The following CHCHD6 variants were observed in gnomAD, a reference collection of about 807,000 sequenced individuals.
CHCHD6 encodes the protein MICOS complex subunit MIC25.
Under a neutral mutation model 32.3 loss-of-function variants are expected in CHCHD6, and 28 were observed. The ratio of observed to expected loss-of-function variants is 0.87; its 90% CI spans 0.64 to 1.19. The LOEUF (loss-of-function observed/expected upper bound fraction) is 1.19, where lower values mean the gene tolerates loss of function less well. Among genes scored for constraint, CHCHD6 ranks in the 50% most tolerant of loss-of-function variants. CHCHD6 has a pLI of 0.00. For missense variants in CHCHD6, 333 were observed against 307.0 expected (o/e 1.08, Z -0.63); for synonymous variants, 122 against 117.5 (o/e 1.04, Z -0.25).
At chr3:126,725,011 T>C (rs1192586116) in intron 1 of CHCHD6, among the ~76,000 whole-genome samples, 1 of 152,206 alleles carries the variant, frequency 6.6e-6, no homozygotes, top group Non-Finnish European at 1.5e-5. Flanking sequence ...TCCATGAGGG[T>C]TGGAATCTAC....
rs573762465 is a variant in CHCHD6 at position 126,706,048 on chromosome 3, C to T, written c.87+1649C>T. The stretch of plus-strand genomic sequence containing the variant: ...GAGGAGATGGCTTGTGTTGGAAGGC[C>T]GAGAGGGAGGAACCTGAATTGGAAT... On this transcript the variant is annotated intron_variant, in intron 1 of 7. Transcript: ENST00000290913. 1.5e-3 allele frequency among the ~76,000 whole-genome samples: 235 copies of T among 152,176 alleles called. 1 individual carries two copies. The highest frequency in any genetic ancestry group is 0.01 in the Middle Eastern group (3 of 294).
chr3:126,802,580 A>G (rs887725004), intron 4 of CHCHD6, among the ~76,000 whole-genome samples: 4 of 152,236 alleles, frequency 2.6e-5, no homozygotes, highest in African/African-American at 7.2e-5. Context: ...GACCAAATCT[A>G]CGTCTGATTG....
At chr3:126,875,292 G>A (rs993157582) in intron 5 of CHCHD6, among the ~76,000 whole-genome samples, 1 of 152,256 alleles carries the variant, frequency 6.6e-6, no homozygotes, top group African/African-American at 2.4e-5. Context: ...TGGCCTGTGT[G>A]CCTGTCCAGC....
intron 5 of CHCHD6, among the ~76,000 whole-genome samples, chr3:126,898,790 C>T (rs1385141537): frequency 1.3e-5 from 2 of 152,198 alleles, no homozygotes; most frequent in Admixed American, 6.5e-5. Context: ...CTGCCCTCCT[C>T]GGCCTCCCAA....
At chr3:126,806,395 A>G (rs1399616638) in intron 4 of CHCHD6, among the ~76,000 whole-genome samples, 1 of 151,960 alleles carries the variant, frequency 6.6e-6, no homozygotes, top group Non-Finnish European at 1.5e-5. Context: ...AAGGATATGA[A>G]CAGACACTTC....
chr3:126,781,813 T>C lies in CHCHD6; in HGVS notation c.411+48591T>C, dbSNP rs117612902. Among the ~76,000 whole-genome samples the C allele has an allele frequency of 2.6e-5, 4 of 152,316 alleles. No individual in the cohort carries two copies. In the East Asian group the frequency reaches 7.7e-4, roughly 29 times the overall value. The stretch of plus-strand genomic sequence containing the variant: ...TCTCAACTTCATTTTCCCACTCTCT[T>C]TTTTAGCCTCTTGGAGCTGAGATCC... On this transcript the variant is annotated intron_variant, in intron 4 of 7. Coordinates refer to ENST00000290913, the MANE Select transcript of CHCHD6 (RefSeq NM_032343.3).
At chr3:126,764,715 C>T (rs963317152) in intron 4 of CHCHD6, among the ~76,000 whole-genome samples, 1 of 152,320 alleles carries the variant, frequency 6.6e-6, no homozygotes, top group Non-Finnish European at 1.5e-5. Context: ...TCAAGGATTC[C>T]AGGAGCACAG....
chr3:126,927,657 C>A (rs1039638525), intron 6 of CHCHD6, among the ~76,000 whole-genome samples: 1 of 152,224 alleles, frequency 6.6e-6, no homozygotes, highest in South Asian at 2.1e-4. Context: ...AAGCCAGCGT[C>A]CCCACAGGCA....
At chr3:126,940,296 G>T (rs577975402) in intron 6 of CHCHD6, among the ~76,000 whole-genome samples, 3 of 152,200 alleles carry the variant, frequency 2.0e-5, no homozygotes, top group Non-Finnish European at 4.4e-5. Context: ...CCATGAGTTT[G>T]TGTTCAACAC....
chr3:126,804,244 A>T (rs1939237550), intron 4 of CHCHD6, among the ~76,000 whole-genome samples: 1 of 152,230 alleles, frequency 6.6e-6, no homozygotes, highest in African/African-American at 2.4e-5. Context: ...AGAGACAAAA[A>T]AACCCTTCGA....
intron 2 of CHCHD6, among the ~76,000 whole-genome samples, chr3:126,727,568 G>A (rs571583701): frequency 3.9e-5 from 6 of 152,322 alleles, no homozygotes; most frequent in African/African-American, 1.4e-4. Context: ...CACGTGAACA[G>A]GGCCAAGTAT....
At chr3:126,752,887 G>T (rs1018432001) in intron 4 of CHCHD6, among the ~76,000 whole-genome samples, 1 of 152,148 alleles carries the variant, frequency 6.6e-6, no homozygotes, top group Non-Finnish European at 1.5e-5. Flanking sequence ...GTTTTATGAT[G>T]GGCTGGGCTG....
intron 6 of CHCHD6, among the ~76,000 whole-genome samples, chr3:126,951,227 G>A (rs1377501133): frequency 6.6e-6 from 1 of 152,168 alleles, no homozygotes; most frequent in Non-Finnish European, 1.5e-5. Context: ...CCTCCACTAT[G>A]ATTGTAAGTT....
intron 4 of CHCHD6, among the ~76,000 whole-genome samples, chr3:126,754,458 C>T (rs1051148402): frequency 7.2e-5 from 11 of 152,192 alleles, no homozygotes; most frequent in Admixed American, 1.3e-4. Context: ...TCATGCAAAT[C>T]TCCCTGTGGA....
chr3:126,822,109 G>A (rs1294300452), intron 4 of CHCHD6, among the ~76,000 whole-genome samples: 1 of 152,064 alleles, frequency 6.6e-6, no homozygotes, highest in East Asian at 1.9e-4. Context: ...TTGTGTTTTT[G>A]TAAAACACGT....
chr3:126,830,756 C>T (rs1940604260), intron 4 of CHCHD6, among the ~76,000 whole-genome samples: 3 of 152,308 alleles, frequency 2.0e-5, no homozygotes, highest in Admixed American at 2.0e-4. Context: ...AGAGGCAGTG[C>T]TGGATATTCA....
chr3:126,940,423 T>C (rs1214155622), intron 6 of CHCHD6, among the ~76,000 whole-genome samples: 1 of 152,244 alleles, frequency 6.6e-6, no homozygotes, highest in East Asian at 1.9e-4. Context: ...TATATGGTTA[T>C]ACCAGAATTT....
At chr3:126,956,509 G>A (rs1264019925) in intron 6 of CHCHD6, among the ~76,000 whole-genome samples, 4 of 152,206 alleles carry the variant, frequency 2.6e-5, no homozygotes, top group Non-Finnish European at 5.9e-5. Flanking sequence ...AGAGCTGTAA[G>A]GAGCAGCACT....
rs906122012 is a variant in CHCHD6, at chr3:126,791,584, C to T, written c.411+58362C>T. ...GTTGGATCTCAAACTGCTGTGCTAA[C>T]AATGAGCGAGGCTCCGTGGGTGTGT... On this transcript the variant is annotated intron_variant, in intron 4 of 7. Coordinates refer to ENST00000290913, the MANE Select transcript of CHCHD6 (RefSeq NM_032343.3). Among the ~76,000 whole-genome samples the T allele has an allele frequency of 2.0e-5, 3 of 152,254 alleles. No individual in the cohort carries two copies. The South Asian group carries it at 6.2e-4, about 31-fold the overall frequency.
Sources: allele counts gnomAD v4.1 joint callset (sites outside exome capture counted in the v4.1 genomes callset), GRCh38; gene constraint gnomAD v4.1.1; transcripts MANE v1.5; gene names NCBI Gene and HGNC (gene_info 2026-07-23, HGNC 2026-07-21).